Variants in ASTN2 observed in about 807,000 individuals in gnomAD.
ASTN2 encodes astrotactin-2.
A neutral mutation model predicts 139.8 loss-of-function variants in ASTN2; 54 were observed. The observed-to-expected ratio is 0.39, with a 90% CI of 0.31 to 0.48. The LOEUF (loss-of-function observed/expected upper bound fraction) is 0.48, where lower values mean the gene tolerates loss of function less well. Ranked by LOEUF, ASTN2 falls within the 20% of genes least tolerant of loss-of-function variation. The pLI, the probability that ASTN2 is intolerant of heterozygous loss-of-function variation, is 0.95. For synonymous variants in ASTN2, 756 were observed against 719.5 expected, an observed-to-expected ratio of 1.05 and a Z score of -0.81; for missense variants, 1,565 against 1,725.1, an observed-to-expected ratio of 0.91 and a Z score of 1.64.
At chr9:116,499,007 C>T (rs1350307036) in intron 19 of ASTN2, among the ~76,000 whole-genome samples, 2 of 152,128 alleles carry the variant, frequency 1.3e-5, no homozygotes, top group Non-Finnish European at 2.9e-5. Flanking sequence ...CTCTAAAGAG[C>T]TGGCTGCTTC....
At chr9:117,226,225 C>G (rs1832708023) in intron 2 of ASTN2, among the ~76,000 whole-genome samples, 1 of 152,210 alleles carries the variant, frequency 6.6e-6, no homozygotes, top group African/African-American at 2.4e-5. Context: ...ATCAGCTAAA[C>G]TGTGTAGTGG....
intron 19 of ASTN2, among the ~76,000 whole-genome samples, chr9:116,531,856 C>T (rs1322942517): frequency 6.6e-6 from 1 of 152,066 alleles, no homozygotes; most frequent in Non-Finnish European, 1.5e-5. Context: ...AGCAGCATGA[C>T]TTATAATCCT....
At chr9:116,581,878 G>C (rs1005891921) in intron 19 of ASTN2, 10 of 149,146 alleles carry the variant, frequency 6.7e-5, no homozygotes, top group Non-Finnish European at 1.3e-4. Context: ...AACGGCTGCA[G>C]GGGTGAATCT....
intron 20 of ASTN2, among the ~76,000 whole-genome samples, chr9:116,450,498 C>T (rs991349000): frequency 8.5e-5 from 13 of 152,272 alleles, no homozygotes; most frequent in African/African-American, 3.1e-4. Flanking sequence ...GCCTCCATAG[C>T]CCGTTGAAGA....
At chr9:117,258,208 T>C (rs1833737578) in intron 2 of ASTN2, among the ~76,000 whole-genome samples, 1 of 152,108 alleles carries the variant, frequency 6.6e-6, no homozygotes, top group Admixed American at 6.6e-5. Context: ...GCTGACAGAC[T>C]TGGTGCTGAC....
intron 22 of ASTN2, among the ~76,000 whole-genome samples, chr9:116,436,953 G>A (rs187481377): frequency 1.2e-3 from 188 of 150,422 alleles, no homozygotes; most frequent in East Asian, 4.4e-3. Flanking sequence ...GTAAACTGTC[G>A]CAAGAACAAA....
intron 3 of ASTN2, among the ~76,000 whole-genome samples, chr9:117,207,464 A>T (rs1159404153): frequency 6.6e-6 from 1 of 152,174 alleles, no homozygotes; most frequent in Non-Finnish European, 1.5e-5. Flanking sequence ...CAGGCCAGCC[A>T]AGCAGCCATA....
intron 13 of ASTN2, among the ~76,000 whole-genome samples, chr9:116,755,881 G>C (rs945620093): frequency 6.6e-6 from 1 of 152,312 alleles, no homozygotes; most frequent in Admixed American, 6.5e-5. Flanking sequence ...GAATGATGTG[G>C]CCACAAGCCA....
chr9:116,682,589 T>C (rs1348662943), intron 16 of ASTN2, among the ~76,000 whole-genome samples: 2 of 152,138 alleles, frequency 1.3e-5, no homozygotes, highest in African/African-American at 2.4e-5. Flanking sequence ...ATGTTTACTG[T>C]GGCACTATTC....
At chr9:117,227,991 T>C (rs1419278918) in intron 2 of ASTN2, among the ~76,000 whole-genome samples, 2 of 152,146 alleles carry the variant, frequency 1.3e-5, no homozygotes, top group Non-Finnish European at 2.9e-5. Context: ...GTGTCAATAA[T>C]GTGGCTCAAA....
intron 11 of ASTN2, among the ~76,000 whole-genome samples, chr9:116,824,397 C>CTCTT (rs10684256): frequency 9.9e-5 from 15 of 151,526 alleles, no homozygotes; most frequent in South Asian, 2.1e-4. Context: ...CTCTCTCTCT[C>CTCTT]ATCACTTGCT....
chr9:117,098,830 G>A (rs1285881586), intron 4 of ASTN2, among the ~76,000 whole-genome samples: 1 of 151,770 alleles, frequency 6.6e-6, no homozygotes, highest in African/African-American at 2.4e-5. Context: ...GAGAAGGGCT[G>A]GGCATGATGG....
chr9:116,479,068 C>T (rs1235973125), intron 20 of ASTN2, among the ~76,000 whole-genome samples: 2 of 150,162 alleles, frequency 1.3e-5, no homozygotes, highest in East Asian at 2.0e-4. Flanking sequence ...GAGATGGCCC[C>T]TTTCAAACCC....
intron 17 of ASTN2, among the ~76,000 whole-genome samples, chr9:116,643,691 T>G (rs1054443351): frequency 6.6e-6 from 1 of 152,214 alleles, no homozygotes; most frequent in African/African-American, 2.4e-5. Context: ...TTTTGGCACA[T>G]AGTACATATA....
At chr9:117,182,999 C>T (rs1831112852) in intron 3 of ASTN2, among the ~76,000 whole-genome samples, 1 of 152,160 alleles carries the variant, frequency 6.6e-6, no homozygotes, top group African/African-American at 2.4e-5. Context: ...TTCTTCAGTT[C>T]ATTTGGTTGA....
At chr9:117,173,250 G>A (rs1313898389) in intron 3 of ASTN2, among the ~76,000 whole-genome samples, 2 of 152,050 alleles carry the variant, frequency 1.3e-5, no homozygotes, top group Non-Finnish European at 2.9e-5. Flanking sequence ...AGCAAAACCT[G>A]TTAGAAACAA....
intron 12 of ASTN2, among the ~76,000 whole-genome samples, chr9:116,811,603 C>T (rs7021312): frequency 0.077 from 11,675 of 152,234 alleles, 1,458 homozygotes; most frequent in African/African-American, 0.26. Flanking sequence ...CTACCAGTTA[C>T]ATGACCTTGA....
chr9:117,097,502 T>C (rs1295511190), intron 4 of ASTN2, among the ~76,000 whole-genome samples: 2 of 152,036 alleles, frequency 1.3e-5, no homozygotes, highest in Admixed American at 6.6e-5. Flanking sequence ...ATAAGGACTT[T>C]GGTATTTAAA....
intron 2 of ASTN2, among the ~76,000 whole-genome samples, chr9:117,223,838 C>A (rs138741950): frequency 6.6e-6 from 1 of 152,024 alleles, no homozygotes; most frequent in Non-Finnish European, 1.5e-5. Flanking sequence ...ATACGGTGAC[C>A]TATTTAAGAA....
Sources: gnomAD v4.1 joint callset for allele counts (sites outside exome capture counted in the v4.1 genomes callset) on GRCh38, gnomAD v4.1.1 for gene constraint, MANE v1.5 for transcripts, NCBI Gene and HGNC (gene_info 2026-07-23, HGNC 2026-07-21) for gene names.